Variants in F2RL2 observed in about 807,000 individuals in gnomAD.
F2RL2 encodes proteinase-activated receptor 3.
A neutral mutation model predicts 4.3 loss-of-function variants in F2RL2; 4 were observed. That is an observed-to-expected ratio of 0.93 (90% confidence interval 0.46 to 2.12). F2RL2 has a LOEUF of 2.12. F2RL2 is among the 30% of genes most tolerant of loss of function. The probability of loss-of-function intolerance (pLI) is 0.02; values close to 1 mark genes in which losing one functional copy is unlikely to be tolerated. For missense variants in F2RL2, 408 were observed against 449.3 expected (o/e 0.91, Z 0.83); for synonymous variants, 166 against 170.9 (o/e 0.97, Z 0.22).
rs1480332423 is a variant in F2RL2 at position 76,618,100 on chromosome 5, C to T, written c.607G>A (p.Gly203Ser). The change falls in exon 2 of 2, where the codon GGC becomes AGC. Residue 203 changes from glycine (G) to serine (S), a missense_variant. Transcript: ENST00000296641. ...AAGGCATAGGTGTGCTTGGGCAGGCCCCGGTAGGTGAAAGGATGGACGATG... is the reference window on the plus strand; with the variant it reads ...AAGGCATAGGTGTGCTTGGGCAGGCTCCGGTAGGTGAAAGGATGGACGATG... ...LAIVHPFTYR[G>S]LPKHTYALVT... The T allele has an allele frequency of 6.8e-6, 11 of 1,613,944 alleles. No individual in the cohort carries two copies. The highest frequency in any genetic ancestry group is 6.7e-5 in the East Asian group (3 of 44,890).
At chr5:76,620,957 A>G (rs2069660) in intron 1 of F2RL2, among the ~76,000 whole-genome samples, 6 of 152,226 alleles carry the variant, frequency 3.9e-5, no homozygotes, top group Non-Finnish European at 7.3e-5. Flanking sequence ...TTATTATTAT[A>G]TAACTTTTTG....
Position 76,615,520 on chromosome 5 carries a change from A to G in F2RL2, c.*2062T>C, listed in dbSNP as rs949417559. 2 of 152,254 alleles carry G rather than the reference A, an allele frequency of 1.3e-5. No homozygotes were observed. The highest frequency in any genetic ancestry group is 4.8e-5 in the African/African-American group (2 of 41,468). The allele number at this position is 152,254 out of a possible 1,614,324, so 9.4% of individuals were successfully genotyped here. A position where few individuals can be genotyped will look rare whatever the true frequency, so the allele number is the denominator to read the frequency against. On this transcript the variant is annotated 3_prime_UTR_variant, in exon 2 of 2. Transcript: ENST00000296641. ...GTTTTTTATTGTTTTGTTGGGCAGT[A>G]TGAAATATACAGTCAAGGCAGATTC... is the stretch of plus-strand genomic sequence containing the variant.
At chr5:76,620,733 GT>G (rs1219974163) in intron 1 of F2RL2, among the ~76,000 whole-genome samples, 1 of 152,056 alleles carries the variant, frequency 6.6e-6, no homozygotes, top group Non-Finnish European at 1.5e-5. Flanking sequence ...GACTTTAGGG[GT>G]AATGACAGAT....
Position 76,621,840 on chromosome 5 carries a change from T to C in F2RL2, c.64+1327A>G, listed in dbSNP as rs149395279. Among the ~76,000 whole-genome samples the C allele has an allele frequency of 3.9e-5, 6 of 152,274 alleles. No homozygotes were observed. The East Asian group carries it at 1.2e-3, about 29-fold the overall frequency. On this transcript the variant is annotated intron_variant, in intron 1 of 1. Coordinates refer to ENST00000296641, the MANE Select transcript of F2RL2 (RefSeq NM_004101.4). ...TCCATTGGGCATAATATTTCGGAAA[T>C]GTTTTTCTATCCGGGAAAAGGCCTT...
In F2RL2 at chr5:76,618,245, G is replaced by T. The variant is rs1320912565; in HGVS notation, c.462C>A (p.Leu154=). Residue 154 remains leucine, a synonymous_variant, in exon 2 of 2, where the codon CTC becomes CTA. Transcript: ENST00000296641. ...VTLPFKIAYH[L]NGNNWVFGEV... is the part of the protein sequence containing the mutation. The stretch of plus-strand genomic sequence containing the variant: ...CTCCAAATACCCAGTTGTTCCCATT[G>T]AGATGATAAGCTATCTTAAAGGGCA... 1.5e-5 allele frequency: 24 copies of T among 1,614,092 alleles called. No individual in the cohort carries two copies. The highest frequency in any genetic ancestry group is 1.9e-5 in the Non-Finnish European group (22 of 1,180,044).
intron 1 of F2RL2, among the ~76,000 whole-genome samples, chr5:76,620,333 C>T (rs1016965445): frequency 5.3e-5 from 8 of 151,104 alleles, no homozygotes; most frequent in Admixed American, 4.0e-4. Flanking sequence ...GAGGCGAACA[C>T]GTGAGACTCT....
intron 1 of F2RL2, among the ~76,000 whole-genome samples, chr5:76,619,356 T>C (rs1240746399): frequency 5.9e-5 from 9 of 152,136 alleles, no homozygotes; most frequent in Admixed American, 6.5e-5. Context: ...TCACAGATGA[T>C]GGGATTGCAC....
rs114754575 is a variant in F2RL2 at position 76,621,211 on chromosome 5, G to A, written c.64+1956C>T. On this transcript the variant is annotated intron_variant, in intron 1 of 1. Transcript: ENST00000296641. Reference sequence around the variant, plus strand: ...CTTTAATCTCTAGCAGTTAGCTCCCGGGTGAAATGGAAACCCTCCACGTAA... The same window carrying A: ...CTTTAATCTCTAGCAGTTAGCTCCCAGGTGAAATGGAAACCCTCCACGTAA... Among the ~76,000 whole-genome samples the A allele has an allele frequency of 2.5e-3, 375 of 152,236 alleles. 3 individuals are homozygous for A. Among genetic ancestry groups the A allele is most frequent in the African/African-American group, 8.5e-3 (353 of 41,526 alleles).
At chr5:76,619,217 G>A (rs2069679) in intron 1 of F2RL2, among the ~76,000 whole-genome samples, 34 of 152,260 alleles carry the variant, frequency 2.2e-4, no homozygotes, top group South Asian at 8.3e-4. Context: ...AATGCTACTC[G>A]TGGAGAAGAT....
intron 1 of F2RL2, 29 bp downstream of exon 1, chr5:76,623,138 C>G (rs1749873191): frequency 1.2e-6 from 2 of 1,609,776 alleles, no homozygotes; most frequent in Non-Finnish European, 1.7e-6. Flanking sequence ...ACCCACATCC[C>G]CATCCTACCC....
chr5:76,620,785 G>T (rs181473843), intron 1 of F2RL2, among the ~76,000 whole-genome samples: 4 of 152,242 alleles, frequency 2.6e-5, no homozygotes, highest in African/African-American at 9.6e-5. Context: ...ATCGGAAGAT[G>T]AAATCGGTAT....
Position 76,615,580 on chromosome 5 carries a change from A to G in F2RL2, c.*2002T>C, listed in dbSNP as rs1748873424. 1 of 152,218 alleles carries G rather than the reference A, an allele frequency of 6.6e-6. No homozygotes were observed. The highest frequency in any genetic ancestry group is 2.1e-4 in the South Asian group (1 of 4,834). The allele number at this position is 152,218 out of a possible 1,614,324, so 9.4% of individuals were successfully genotyped here. The stretch of plus-strand genomic sequence containing the variant: ...TGTAAAGTCATCTCAGGAATCTTTT[A>G]TGCTTAAAGTTTCCTCAGCCCCATT... On this transcript the variant is annotated 3_prime_UTR_variant, in exon 2 of 2. Transcript: ENST00000296641.
chr5:76,618,910 A>G (rs771389135), intron 1 of F2RL2, among the ~76,000 whole-genome samples: 6 of 152,234 alleles, frequency 3.9e-5, no homozygotes, highest in Non-Finnish European at 8.8e-5. Flanking sequence ...AAAACAGCCC[A>G]TCAGAACATT....
Position 76,618,606 on chromosome 5 carries a change from G to A in F2RL2, c.101C>T (p.Thr34Ile), listed in dbSNP as rs1749264046. The A allele has an allele frequency of 6.2e-7, 1 of 1,613,534 alleles. No homozygotes were observed. The highest frequency in any genetic ancestry group is 1.7e-5 in the Admixed American group (1 of 59,976). The change falls in exon 2 of 2, where the codon ACC becomes ATC. Residue 34 changes from threonine (T) to isoleucine (I), a missense_variant. Thr to Ile is a moderately conservative substitution (Grantham distance 89). Coordinates refer to ENST00000296641, the MANE Select transcript of F2RL2 (RefSeq NM_004101.4). Reference protein sequence around the residue: ...ENDTNNLAKPTLPIKTFRGAP... With the variant: ...ENDTNNLAKPILPIKTFRGAP... ...TCCACGAAAGGTCTTAATGGGTAAG[G>A]TTGGCTTTGCCAAGTTGTTTGTATC...
rs1749204470 is a variant in F2RL2, at chr5:76,618,232, A to G, written c.475T>C (p.Trp159Arg). 1.2e-6 allele frequency: 2 copies of G among 1,614,070 alleles called. No individual in the cohort carries two copies. The highest frequency in any genetic ancestry group is 3.3e-5 in the Admixed American group (2 of 60,010). ...CGGCACAGGACCTCTCCAAATACCC[A>G]GTTGTTCCCATTGAGATGATAAGCT... is the stretch of plus-strand genomic sequence containing the variant. ...KIAYHLNGNN[W>R]VFGEVLCRAT... is the part of the protein sequence containing the mutation. The change falls in exon 2 of 2, where the codon TGG (tryptophan) becomes CGG (arginine). Residue 159 changes from tryptophan to arginine, a missense_variant. By Grantham distance (101) the Trp-to-Arg change is moderately radical (BLOSUM62 -3). Coordinates refer to ENST00000296641, the MANE Select transcript of F2RL2 (RefSeq NM_004101.4).
At chr5:76,622,395 A>G (rs559101601) in intron 1 of F2RL2, among the ~76,000 whole-genome samples, 4 of 152,324 alleles carry the variant, frequency 2.6e-5, no homozygotes, top group Admixed American at 6.5e-5. Flanking sequence ...AATTTAAGCA[A>G]TGTTCCTTTA....
Position 76,618,252 on chromosome 5 carries a change from T to C in F2RL2, c.455A>G (p.Tyr152Cys), listed in dbSNP as rs945617473. The change falls in exon 2 of 2, where the codon TAT becomes TGT. Residue 152 changes from tyrosine (Y) to cysteine (C), a missense_variant. Physicochemically the swap from Tyr to Cys is radical, Grantham distance 194. Coordinates refer to ENST00000296641, the MANE Select transcript of F2RL2 (RefSeq NM_004101.4). ...TACCCAGTTGTTCCCATTGAGATGA[T>C]AAGCTATCTTAAAGGGCAATGTAAC... ...FCVTLPFKIA[Y>C]HLNGNNWVFG... is the part of the protein sequence containing the mutation. 4 of 1,614,058 alleles carry C rather than the reference T, an allele frequency of 2.5e-6. No individual in the cohort carries two copies. In the African/African-American group the frequency reaches 4.0e-5, roughly 16 times the overall value.
At position 76,618,362 on chromosome 5, in the gene F2RL2, G is replaced by A. The variant is rs758161005; in HGVS notation, c.345C>T (p.Thr115=). 1.9e-6 allele frequency: 3 copies of A among 1,614,018 alleles called. No individual in the cohort carries two copies. Among genetic ancestry groups the A allele is most frequent in the African/African-American group, 1.3e-5 (1 of 74,898 alleles). Reference sequence around the variant, plus strand: ...TGGTCCTGAAGAAAAGCATCCACAGGGTCACAGCATTGGCCGGGACACCAA... The same window carrying A: ...TGGTCCTGAAGAAAAGCATCCACAGAGTCACAGCATTGGCCGGGACACCAA... ...FVVGVPANAV[T]LWMLFFRTRS... is the part of the protein sequence containing the mutation. The change falls in exon 2 of 2, where the codon ACC becomes ACT. Residue 115 remains threonine, a synonymous_variant. Coordinates refer to ENST00000296641, the MANE Select transcript of F2RL2 (RefSeq NM_004101.4).
chr5:76,617,817 A>G lies in F2RL2; in HGVS notation c.890T>C (p.Leu297Ser). 1 of 1,613,992 alleles carries G rather than the reference A, an allele frequency of 6.2e-7. No homozygotes were observed. The highest frequency in any genetic ancestry group is 1.1e-5 in the South Asian group (1 of 91,070). Residue 297 changes from leucine to serine, a missense_variant, in exon 2 of 2, where the codon TTG (leucine) becomes TCG (serine). Physicochemically the swap from Leu to Ser is moderately radical, Grantham distance 145 (BLOSUM62 -2). Coordinates refer to ENST00000296641, the MANE Select transcript of F2RL2 (RefSeq NM_004101.4). The stretch of plus-strand genomic sequence containing the variant: ...GAGGAGACTCGCCTTAACATACCAC[A>G]ACCATCTATGATCGTATGCATTAAG... ...RTLNAYDHRW[L>S]WYVKASLLIL...
Sources: gnomAD v4.1 joint callset for allele counts (sites outside exome capture counted in the v4.1 genomes callset) on GRCh38, gnomAD v4.1.1 for gene constraint, MANE v1.5 for transcripts, NCBI Gene and HGNC (gene_info 2026-07-23, HGNC 2026-07-21) for gene names.